Variants in TACC2 observed in about 807,000 individuals in gnomAD.
TACC2 encodes the protein transforming acidic coiled-coil containing protein 2.
A neutral mutation model predicts 227.3 loss-of-function variants in TACC2; 137 were observed. That is an observed-to-expected ratio of 0.60 (90% confidence interval 0.52 to 0.69). TACC2 has a LOEUF of 0.69. Ranked by LOEUF, TACC2 falls within the 30% of genes least tolerant of loss-of-function variation. TACC2 has a pLI of 0.00. For missense variants in TACC2, 3,470 were observed against 3,694.4 expected, an observed-to-expected ratio of 0.94 and a Z score of 1.57; for synonymous variants, 1,523 against 1,487.5, an observed-to-expected ratio of 1.02 and a Z score of -0.55.
chr10:122,142,587 C>T (rs2090769736), intron 6 of TACC2, among the ~76,000 whole-genome samples: 1 of 152,220 alleles, frequency 6.6e-6, no homozygotes, highest in Admixed American at 6.5e-5. Context: ...CCCACGCACC[C>T]TGGACTCCTG....
intron 21 of TACC2, 117 bp downstream of exon 21, chr10:122,249,273 A>T (rs1039741238): frequency 1.3e-6 from 1 of 784,142 alleles, no homozygotes; most frequent in African/African-American, 1.7e-5. Flanking sequence ...GCATCATCCA[A>T]GTGTGTGTTT....
At chr10:122,127,100 A>G in intron 5 of TACC2, 1 of 168,236 alleles carries the variant, frequency 5.9e-6, no homozygotes, top group Non-Finnish European at 1.2e-5. Context: ...GAGACACTGA[A>G]CCTGCTGGTG....
chr10:121,991,348 G>A (rs1312984497), intron 1 of TACC2, among the ~76,000 whole-genome samples: 2 of 152,126 alleles, frequency 1.3e-5, no homozygotes, highest in African/African-American at 2.4e-5. Context: ...GCATTGCCTG[G>A]GAAATGTTTT....
chr10:122,199,081 C>T (rs1009020640), intron 8 of TACC2, among the ~76,000 whole-genome samples: 1 of 152,220 alleles, frequency 6.6e-6, no homozygotes, highest in African/African-American at 2.4e-5. Context: ...TTGCCAAGCC[C>T]AGGGAAAGGC....
At chr10:122,128,948 G>T (rs371427550) in intron 5 of TACC2, among the ~76,000 whole-genome samples, 102 of 151,828 alleles carry the variant, frequency 6.7e-4, no homozygotes, top group Admixed American at 2.4e-3. Context: ...ACATACCCAT[G>T]TATATCATTG....
intron 1 of TACC2, among the ~76,000 whole-genome samples, chr10:122,008,434 A>G (rs1955520973): frequency 6.7e-6 from 1 of 149,286 alleles, no homozygotes; most frequent in Admixed American, 6.7e-5. Context: ...CTAATATTGT[A>G]GTTTCAGTAG....
intron 10 of TACC2, 122 bp from the exon 11 acceptor site, chr10:122,216,505 A>C: frequency 2.3e-6 from 2 of 867,338 alleles, no homozygotes; most frequent in Non-Finnish European, 3.5e-6. Flanking sequence ...GAGTCTGAGA[A>C]GAGCATGCAG....
intron 6 of TACC2, among the ~76,000 whole-genome samples, chr10:122,140,892 C>G (rs977910848): frequency 6.6e-6 from 1 of 152,160 alleles, no homozygotes; most frequent in Non-Finnish European, 1.5e-5. Context: ...TTCCGAATGC[C>G]GTGGAAAGTC....
intron 8 of TACC2, among the ~76,000 whole-genome samples, chr10:122,208,135 G>A (rs1248050150): frequency 1.3e-5 from 2 of 152,306 alleles, no homozygotes; most frequent in African/African-American, 2.4e-5. Context: ...TGGAGAAACC[G>A]TTTGGTAGAA....
chr10:122,084,222 C>G lies in TACC2; in HGVS notation c.1722C>G (p.Asp574Glu), dbSNP rs754208971. 2 of 1,613,960 alleles carry G rather than the reference C, an allele frequency of 1.2e-6. No homozygotes were observed. The highest frequency in any genetic ancestry group is 1.3e-5 in the African/African-American group (1 of 74,928). ...VAKEGSRSPGDSPGGKEEAPE... is the reference protein window; with the variant it reads ...VAKEGSRSPGESPGGKEEAPE... Reference sequence around the variant, plus strand: ...AAGAAGGAAGCAGATCACCTGGTGACAGCCCTGGAGGAAAGGAGGAAGCCC... The same window carrying G: ...AAGAAGGAAGCAGATCACCTGGTGAGAGCCCTGGAGGAAAGGAGGAAGCCC... Residue 574 changes from aspartate (D) to glutamate (E), a missense_variant, in exon 4 of 23, where the codon GAC (aspartate) becomes GAG (glutamate). Coordinates refer to ENST00000369005, the MANE Select transcript of TACC2 (RefSeq NM_206862.4).
intron 1 of TACC2, among the ~76,000 whole-genome samples, chr10:122,008,912 T>C (rs1160679563): frequency 6.6e-6 from 1 of 152,214 alleles, no homozygotes; most frequent in Admixed American, 6.5e-5. Context: ...TGAAATTCCT[T>C]TGTAATAGTC....
chr10:122,232,594 G>A (rs766600529), intron 16 of TACC2, among the ~76,000 whole-genome samples: 11 of 152,162 alleles, frequency 7.2e-5, no homozygotes, highest in Non-Finnish European at 1.3e-4. Flanking sequence ...TGACTGTCTT[G>A]GAGTATATAG....
At chr10:122,060,921 C>T (rs1190557063) in intron 3 of TACC2, among the ~76,000 whole-genome samples, 1 of 148,480 alleles carries the variant, frequency 6.7e-6, no homozygotes, top group Non-Finnish European at 1.5e-5. Flanking sequence ...AGGAGAATCA[C>T]TTGAACCCTG....
At chr10:122,119,152 C>T (rs894580314) in intron 5 of TACC2, among the ~76,000 whole-genome samples, 1 of 152,178 alleles carries the variant, frequency 6.6e-6, no homozygotes, top group Non-Finnish European at 1.5e-5. Context: ...TCTCCCCAGA[C>T]CCTGGTAACA....
chr10:122,061,241 G>A (rs911519333), intron 3 of TACC2, among the ~76,000 whole-genome samples: 7 of 149,028 alleles, frequency 4.7e-5, no homozygotes, highest in Non-Finnish European at 1.0e-4. Context: ...AACCCGGGAG[G>A]CGGAGCTTGC....
rs1171256609 is a variant in TACC2 at position 122,085,714 on chromosome 10, C to G, written c.3214C>G (p.Pro1072Ala). Residue 1072 changes from proline (P) to alanine (A), a missense_variant, in exon 4 of 23, where the codon CCC (proline) becomes GCC (alanine). Pro to Ala is a conservative substitution (Grantham distance 27). Transcript: ENST00000369005. ...ALAPASPGVT[P>A]TQDAPETEAC... ...GGCGCCCGCCAGCCCCGGAGTCACACCCACCCAGGATGCCCCAGAGACAGA... is the reference window on the plus strand; with the variant it reads ...GGCGCCCGCCAGCCCCGGAGTCACAGCCACCCAGGATGCCCCAGAGACAGA... 6.2e-7 allele frequency: 1 copy of G among 1,613,828 alleles called. No individual in the cohort carries two copies. Among genetic ancestry groups the G allele is most frequent in the Non-Finnish European group, 8.5e-7 (1 of 1,180,018 alleles).
chr10:122,027,420 A>G (rs910339898), intron 2 of TACC2, among the ~76,000 whole-genome samples: 5 of 151,676 alleles, frequency 3.3e-5, no homozygotes, highest in African/African-American at 1.2e-4. Flanking sequence ...TGAGGTTGAG[A>G]TTCATTTTTG....
intron 3 of TACC2, among the ~76,000 whole-genome samples, chr10:122,054,148 A>C (rs141011662): frequency 3.7e-4 from 57 of 152,328 alleles, no homozygotes; most frequent in African/African-American, 1.3e-3. Context: ...GGGTTTACTC[A>C]TCCCCAAAGT....
intron 7 of TACC2, among the ~76,000 whole-genome samples, chr10:122,187,087 A>G (rs899414357): frequency 7.9e-5 from 12 of 152,162 alleles, no homozygotes; most frequent in Admixed American, 6.5e-4. Context: ...CTAGAAAGTC[A>G]CTTCTCTTTT....
Sources: gnomAD v4.1 joint callset for allele counts (sites outside exome capture counted in the v4.1 genomes callset) on GRCh38, gnomAD v4.1.1 for gene constraint, MANE v1.5 for transcripts, NCBI Gene and HGNC (gene_info 2026-07-23, HGNC 2026-07-21) for gene names.